The following PDE11A variants were observed in gnomAD, a reference collection of about 807,000 sequenced individuals.
The protein encoded by PDE11A is dual 3',5'-cyclic-AMP and -GMP phosphodiesterase 11A.
PDE11A carries 100 observed loss-of-function variants against 100.5 expected under a neutral mutation model. That is an observed-to-expected ratio of 1.00 (90% confidence interval 0.85 to 1.18). The LOEUF is 1.18. Ranked by LOEUF, PDE11A falls within the 50% of genes most tolerant of loss-of-function variation. The pLI, the probability that PDE11A is intolerant of heterozygous loss-of-function variation, is 0.00. For missense variants in PDE11A, 1,141 were observed against 1,152.6 expected (o/e 0.99, Z 0.15); for synonymous variants, 381 against 420.8 (o/e 0.91, Z 1.16).
chr2:177,744,485 T>G (rs567100803), intron 10 of PDE11A, among the ~76,000 whole-genome samples: 1 of 152,312 alleles, frequency 6.6e-6, no homozygotes, highest in African/African-American at 2.4e-5. Context: ...CACTGAGTGC[T>G]GAGATACCAC....
intron 1 of PDE11A, among the ~76,000 whole-genome samples, chr2:178,053,697 A>C (rs1179194215): frequency 6.6e-6 from 1 of 152,206 alleles, no homozygotes; most frequent in Non-Finnish European, 1.5e-5. Context: ...CAAAAATCAC[A>C]AGCATTCCTA....
At chr2:177,791,980 C>T (rs910364026) in intron 9 of PDE11A, among the ~76,000 whole-genome samples, 1 of 152,050 alleles carries the variant, frequency 6.6e-6, no homozygotes, top group Non-Finnish European at 1.5e-5. Context: ...TTAGTATTCT[C>T]CTATAAAGGA....
At chr2:178,052,735 C>T (rs1435678437) in intron 1 of PDE11A, among the ~76,000 whole-genome samples, 1 of 152,112 alleles carries the variant, frequency 6.6e-6, no homozygotes, top group African/African-American at 2.4e-5. Context: ...ACTATAAACA[C>T]CTCTATGCAA....
chr2:178,090,080 T>C (rs778135481), intron 2 of PDE11A, among the ~76,000 whole-genome samples: 4 of 152,194 alleles, frequency 2.6e-5, no homozygotes, highest in Non-Finnish European at 5.9e-5. Context: ...CTGACCCCTT[T>C]TGAATCTCAG....
rs1574026180 is a variant in PDE11A, at chr2:177,668,911, C to T, written c.2562+582G>A. 3.3e-5 allele frequency among the ~76,000 whole-genome samples: 5 copies of T among 152,152 alleles called. No individual in the cohort carries two copies. The East Asian group carries it at 9.6e-4, about 29-fold the overall frequency. On this transcript the variant is annotated intron_variant, in intron 18 of 19. Coordinates refer to ENST00000286063, the MANE Select transcript of PDE11A (RefSeq NM_016953.4). ...GAGGTGGTGACTGACGCAGTTATGT[C>T]TTCTGCATCCTTATGCTTAAAAACA...
chr2:177,776,968 C>A (rs1380494136), intron 9 of PDE11A, among the ~76,000 whole-genome samples: 2 of 151,962 alleles, frequency 1.3e-5, no homozygotes, highest in Admixed American at 1.3e-4. Flanking sequence ...CTCATGAGAT[C>A]TGATGGTTTT....
At chr2:177,940,214 A>G (rs1483330310) in intron 2 of PDE11A, among the ~76,000 whole-genome samples, 1 of 152,198 alleles carries the variant, frequency 6.6e-6, no homozygotes, top group East Asian at 1.9e-4. Flanking sequence ...GAAGCTTTCC[A>G]TAATTTTTCT....
chr2:177,862,141 A>G (rs191710048), intron 5 of PDE11A, among the ~76,000 whole-genome samples: 501 of 152,042 alleles, frequency 3.3e-3, no homozygotes, highest in Non-Finnish European at 4.9e-3. Context: ...ATGAAGGCAA[A>G]TATACATAAA....
At chr2:177,805,107 A>T (rs1308259213) in intron 9 of PDE11A, among the ~76,000 whole-genome samples, 1 of 151,392 alleles carries the variant, frequency 6.6e-6, no homozygotes, top group Non-Finnish European at 1.5e-5. Context: ...ATATATTTAG[A>T]TGTATGTAGT....
chr2:178,054,764 T>C (rs371844603), intron 1 of PDE11A, among the ~76,000 whole-genome samples: 11 of 152,134 alleles, frequency 7.2e-5, no homozygotes, highest in African/African-American at 1.7e-4. Context: ...TCATCACTGG[T>C]CATCAGAGAA....
chr2:177,837,716 A>C (rs1011602803), intron 6 of PDE11A, among the ~76,000 whole-genome samples: 2 of 152,118 alleles, frequency 1.3e-5, no homozygotes, highest in Non-Finnish European at 2.9e-5. Context: ...TGTTGTAAAA[A>C]CTGCTTACCT....
intron 2 of PDE11A, among the ~76,000 whole-genome samples, chr2:177,963,823 G>A (rs915801512): frequency 9.9e-5 from 15 of 152,156 alleles, no homozygotes; most frequent in African/African-American, 3.6e-4. Flanking sequence ...ACCCAAGCTG[G>A]AGATGTTTCC....
chr2:177,706,689 C>A (rs2105417764), intron 13 of PDE11A, among the ~76,000 whole-genome samples: 1 of 152,264 alleles, frequency 6.6e-6, no homozygotes, highest in Non-Finnish European at 1.5e-5. Flanking sequence ...CCCCTGACAT[C>A]CCATGAGCTG....
In PDE11A at chr2:177,772,001, C is replaced by CAATAAATAAATA. The variant is rs57220935; in HGVS notation, c.1738-2640_1738-2629dup. ...TGGGTGACAGAGTGAGACTCTGTCT[C>CAATAAATAAATA]AATAAATAAATAAATAAATAAATAA... is the stretch of plus-strand genomic sequence containing the variant. On this transcript the variant is annotated intron_variant, in intron 9 of 19. Transcript: ENST00000286063. Among the ~76,000 whole-genome samples the CAATAAATAAATA allele has an allele frequency of 6.8e-4, 101 of 149,402 alleles. No individual in the cohort carries two copies. In the Middle Eastern group the frequency reaches 0.01, roughly 15 times the overall value.
At chr2:177,935,395 G>A (rs943392506) in intron 2 of PDE11A, among the ~76,000 whole-genome samples, 1 of 152,174 alleles carries the variant, frequency 6.6e-6, no homozygotes, top group Non-Finnish European at 1.5e-5. Flanking sequence ...TAGTTTAGCT[G>A]CAGTGAATGT....
chr2:177,807,270 G>A (rs756064996), intron 9 of PDE11A, among the ~76,000 whole-genome samples: 14 of 152,048 alleles, frequency 9.2e-5, no homozygotes, highest in Non-Finnish European at 2.9e-5. Flanking sequence ...TAAAAGGGCT[G>A]AAAGAAAGAA....
At chr2:177,693,843 G>A (rs1042384151) in intron 15 of PDE11A, among the ~76,000 whole-genome samples, 1 of 152,160 alleles carries the variant, frequency 6.6e-6, no homozygotes, top group African/African-American at 2.4e-5. Flanking sequence ...AAAAGGAGAT[G>A]AATTGGATTG....
At chr2:177,962,363 G>A (rs2085645188) in intron 2 of PDE11A, among the ~76,000 whole-genome samples, 1 of 151,958 alleles carries the variant, frequency 6.6e-6, no homozygotes, top group African/African-American at 2.4e-5. Flanking sequence ...CCTAGTCACA[G>A]TTTGTAGTTA....
intron 10 of PDE11A, among the ~76,000 whole-genome samples, chr2:177,729,195 T>C (rs2081646080): frequency 6.6e-6 from 1 of 152,162 alleles, no homozygotes; most frequent in Non-Finnish European, 1.5e-5. Flanking sequence ...TGCTCCTCCA[T>C]AGGTGGAGCT....
Sources: allele counts gnomAD v4.1 joint callset (sites outside exome capture counted in the v4.1 genomes callset), GRCh38; gene constraint gnomAD v4.1.1; transcripts MANE v1.5; gene names NCBI Gene and HGNC (gene_info 2026-07-23, HGNC 2026-07-21).